Variants in GOLGA3 observed in about 807,000 individuals in gnomAD.
The protein encoded by GOLGA3 is golgin A3.
A neutral mutation model predicts 169.4 loss-of-function variants in GOLGA3; 75 were observed. That is an observed-to-expected ratio of 0.44 (90% confidence interval 0.37 to 0.54). The LOEUF (loss-of-function observed/expected upper bound fraction) is 0.54, where lower values mean the gene tolerates loss of function less well. GOLGA3 is among the 20% of genes least tolerant of loss of function. The probability of loss-of-function intolerance (pLI) is 0.00; values close to 1 mark genes in which losing one functional copy is unlikely to be tolerated. For synonymous variants in GOLGA3, 824 were observed against 822.4 expected, an observed-to-expected ratio of 1.00 and a Z score of -0.03; for missense variants, 1,899 against 1,930.0, an observed-to-expected ratio of 0.98 and a Z score of 0.30.
Position 132,777,563 on chromosome 12 carries a change from T to G in GOLGA3, c.3722+103A>C. ...TATGATTCACTCAAGTACTCGGCAA[T>G]TTGCAAAATATAGATGACCCTCGCT... On this transcript the variant is annotated intron_variant, in intron 19 of 23. Transcript: ENST00000450791. This position sits in a 1 kb window ranked among gnomAD's most constrained non-coding sequence, Gnocchi z 4.7. 1 of 1,348,746 alleles carries G rather than the reference T, an allele frequency of 7.4e-7. No homozygotes were observed. The highest frequency in any genetic ancestry group is 1.0e-6 in the Non-Finnish European group (1 of 977,460). The allele number at this position is 1,348,746 out of a possible 1,614,324, so 83.5% of individuals were successfully genotyped here. A position where few individuals can be genotyped will look rare whatever the true frequency, so the allele number is the denominator to read the frequency against.
At chr12:132,824,627 T>C in intron 1 of GOLGA3, among the ~76,000 whole-genome samples, 1 of 152,190 alleles carries the variant, frequency 6.6e-6, no homozygotes, top group African/African-American at 2.4e-5. Flanking sequence ...GTGAAGGAAG[T>C]TACCAAGGCT....
At chr12:132,784,069 T>C in intron 16 of GOLGA3, 95 bp downstream of exon 16, 1 of 1,572,298 alleles carries the variant, frequency 6.4e-7, no homozygotes, top group Non-Finnish European at 8.6e-7. Flanking sequence ...GGGCACACGG[T>C]GAAGTTTTGT....
intron 1 of GOLGA3, among the ~76,000 whole-genome samples, chr12:132,826,719 C>T (rs1414224285): frequency 1.3e-5 from 2 of 152,094 alleles, no homozygotes; most frequent in Non-Finnish European, 2.9e-5. Flanking sequence ...ATACTTCTCC[C>T]TGTAGGGCAA....
At chr12:132,794,257 G>A (rs969739765) in intron 11 of GOLGA3, among the ~76,000 whole-genome samples, 1 of 152,024 alleles carries the variant, frequency 6.6e-6, no homozygotes, top group African/African-American at 2.4e-5. Context: ...CACTTCGGGA[G>A]GCTGAGGCGG....
chr12:132,828,010 C>G (rs1950493941), intron 1 of GOLGA3: 1 of 152,266 alleles, frequency 6.6e-6, no homozygotes, highest in Non-Finnish European at 1.5e-5. Flanking sequence ...ACACCAACAT[C>G]CTTACCGCCA....
intron 16 of GOLGA3, chr12:132,783,836 A>G (rs2045750528): frequency 9.2e-6 from 12 of 1,303,874 alleles, no homozygotes; most frequent in Non-Finnish European, 1.1e-5. Flanking sequence ...TCAGCCTCCC[A>G]AAGTGCTGGG....
chr12:132,821,133 G>A (rs927307538), intron 2 of GOLGA3, among the ~76,000 whole-genome samples: 10 of 144,682 alleles, frequency 6.9e-5, no homozygotes, highest in Admixed American at 4.3e-4. Context: ...ATGGCTGGGC[G>A]CAGTGGCTCA....
intron 23 of GOLGA3, 137 bp downstream of exon 23, chr12:132,774,020 T>C: frequency 1.4e-6 from 1 of 713,726 alleles, no homozygotes; most frequent in Non-Finnish European, 2.3e-6. Flanking sequence ...AGAGGCTATG[T>C]ATGCGAGTCC....
rs2044936600 is a variant in GOLGA3, at chr12:132,772,392, A to G, written c.*713T>C. On this transcript the variant is annotated 3_prime_UTR_variant, in exon 24 of 24. Transcript: ENST00000450791. ...AACCCCATTGCTACTAAAAATACAA[A>G]CATTAGCCTGGCATAGTGGCGCACG... is the stretch of plus-strand genomic sequence containing the variant. 1.3e-5 allele frequency: 2 copies of G among 150,622 alleles called. No homozygotes were observed. 9.3% of individuals were successfully genotyped at this position (150,622 alleles called of 1,614,324 possible).
intron 5 of GOLGA3, 61 bp from the exon 6 acceptor site, chr12:132,807,349 C>A: frequency 2.4e-6 from 2 of 850,092 alleles, no homozygotes; most frequent in Middle Eastern, 2.5e-4. Context: ...TCACACTCCT[C>A]CACATTCTCC....
intron 22 of GOLGA3, 24 bp from the exon 23 acceptor site, chr12:132,774,344 G>A (rs776602119): frequency 1.2e-6 from 2 of 1,608,376 alleles, no homozygotes; most frequent in Non-Finnish European, 8.5e-7. Context: ...CACATGATCA[G>A]CTTTCCCACC....
At chr12:132,813,873 C>T (rs1949832391) in intron 3 of GOLGA3, among the ~76,000 whole-genome samples, 2 of 151,834 alleles carry the variant, frequency 1.3e-5, no homozygotes, top group South Asian at 2.1e-4. Context: ...TACAGGCGCC[C>T]GCCACCACGC....
intron 3 of GOLGA3, 60 bp downstream of exon 3, chr12:132,816,480 C>T (rs1425043281): frequency 1.9e-6 from 3 of 1,560,630 alleles, no homozygotes; most frequent in Non-Finnish European, 2.6e-6. Context: ...GGCACCTGCT[C>T]CCAAGGGGCT....
chr12:132,784,349 C>A, intron 15 of GOLGA3, 42 bp from the exon 16 acceptor site: 1 of 1,526,968 alleles, frequency 6.5e-7, no homozygotes. Context: ...ATGGGACAGG[C>A]CCTGACCCCC....
chr12:132,773,072 G>C lies in GOLGA3; in HGVS notation c.*33C>G. ...AAATAACATTGATAAGAGCCTTCTG[G>C]GGCAGCGGCGCACGGAGGCGAGTCC... On this transcript the variant is annotated 3_prime_UTR_variant, in exon 24 of 24. Transcript: ENST00000450791. 1 of 1,412,108 alleles carries C rather than the reference G, an allele frequency of 7.1e-7. No individual in the cohort carries two copies. Among genetic ancestry groups the C allele is most frequent in the Non-Finnish European group, 9.6e-7 (1 of 1,043,514 alleles). The allele number at this position is 1,412,108 out of a possible 1,614,324, so 87.5% of individuals were successfully genotyped here.
chr12:132,804,630 G>A lies in GOLGA3; in HGVS notation c.1597+86C>T, dbSNP rs552516513. Reference sequence around the variant, plus strand: ...GCAAGGACCAGTCAGGGAAGGAGGAGGGCGTGGCGGGGGCCAGTCGAGGAA... The same window carrying A: ...GCAAGGACCAGTCAGGGAAGGAGGAAGGCGTGGCGGGGGCCAGTCGAGGAA... On this transcript the variant is annotated intron_variant, in intron 7 of 23. Transcript: ENST00000450791. This position sits in a 1 kb window ranked among gnomAD's most constrained non-coding sequence, Gnocchi z 4.1. The A allele has an allele frequency of 2.5e-5, 28 of 1,102,850 alleles. No individual in the cohort carries two copies. The East Asian group carries it at 5.9e-4, about 23-fold the overall frequency. 68.3% of individuals were successfully genotyped at this position (1,102,850 alleles called of 1,614,324 possible).
At chr12:132,775,031 G>T in intron 22 of GOLGA3, 110 bp downstream of exon 22, 1 of 884,550 alleles carries the variant, frequency 1.1e-6, no homozygotes, top group Non-Finnish European at 1.7e-6. Context: ...GCTCAGTGTG[G>T]GCTCAACAAA....
chr12:132,786,158 G>A (rs187917650), intron 15 of GOLGA3, among the ~76,000 whole-genome samples, 181 bp downstream of exon 15: 10 of 151,684 alleles, frequency 6.6e-5, no homozygotes, highest in African/African-American at 1.5e-4. Flanking sequence ...AGGGAGACGC[G>A]AGGCAATGCT....
chr12:132,823,021 CT>C (rs1457557452), intron 1 of GOLGA3, among the ~76,000 whole-genome samples: 1 of 152,258 alleles, frequency 6.6e-6, no homozygotes, highest in Non-Finnish European at 1.5e-5. Flanking sequence ...AGCCCCACCC[CT>C]TCAGGTTGGA....
Sources: allele counts gnomAD v4.1 joint callset (sites outside exome capture counted in the v4.1 genomes callset), GRCh38; gene constraint gnomAD v4.1.1; non-coding constraint Gnocchi (gnomAD v3.1); transcripts MANE v1.5; gene names NCBI Gene and HGNC (gene_info 2026-07-23, HGNC 2026-07-21).